Variants in PDSS2 observed in about 807,000 individuals in gnomAD.
PDSS2 encodes the protein decaprenyl diphosphate synthase subunit 2.
Under a neutral mutation model 44.5 loss-of-function variants are expected in PDSS2, and 31 were observed. That is an observed-to-expected ratio of 0.70 (90% CI 0.52 to 0.94). The LOEUF is 0.94. Among genes scored for constraint, PDSS2 ranks in the 40% least tolerant of loss-of-function variants. PDSS2 has a pLI of 0.00. For synonymous variants in PDSS2, 157 were observed against 180.3 expected (o/e 0.87, Z 1.03); for missense variants, 452 against 482.2 (o/e 0.94, Z 0.59).
At chr6:107,287,504 A>T (rs936733351) in intron 2 of PDSS2, among the ~76,000 whole-genome samples, 1 of 151,782 alleles carries the variant, frequency 6.6e-6, no homozygotes, top group Admixed American at 6.6e-5. Context: ...CCACATAAAC[A>T]TTTTTTTAAT....
chr6:107,441,572 G>C (rs1209411505), intron 1 of PDSS2, among the ~76,000 whole-genome samples: 1 of 152,196 alleles, frequency 6.6e-6, no homozygotes, highest in Non-Finnish European at 1.5e-5. Flanking sequence ...ACACAACTCA[G>C]AGGTCCTAGA....
At chr6:107,204,319 T>G (rs1772897243) in intron 6 of PDSS2, among the ~76,000 whole-genome samples, 1 of 152,200 alleles carries the variant, frequency 6.6e-6, no homozygotes, top group African/African-American at 2.4e-5. Context: ...TGAGTAATAT[T>G]CCATTGTATG....
intron 1 of PDSS2, among the ~76,000 whole-genome samples, chr6:107,344,493 T>C (rs1473372516): frequency 6.6e-6 from 1 of 152,168 alleles, no homozygotes; most frequent in Non-Finnish European, 1.5e-5. Flanking sequence ...GTGGCAGTCA[T>C]TGATATGGCT....
At chr6:107,277,127 T>C (rs111254897) in intron 2 of PDSS2, among the ~76,000 whole-genome samples, 2 of 152,368 alleles carry the variant, frequency 1.3e-5, no homozygotes, top group South Asian at 2.1e-4. Flanking sequence ...CATGTGCCCA[T>C]TGAAAGCTTC....
At chr6:107,422,367 A>G (rs1360793852) in intron 1 of PDSS2, among the ~76,000 whole-genome samples, 1 of 152,066 alleles carries the variant, frequency 6.6e-6, no homozygotes, top group Non-Finnish European at 1.5e-5. Context: ...AGAACAAGGA[A>G]AAACAGGCAC....
chr6:107,225,164 T>TATATATATATATATATATA (rs1289535741), intron 4 of PDSS2, among the ~76,000 whole-genome samples: 8 of 42,948 alleles, frequency 1.9e-4, no homozygotes, highest in South Asian at 7.1e-4. Flanking sequence ...TATATATATT[T>TATATATATATATATATATA]TTTTTTTTTT....
intron 7 of PDSS2, among the ~76,000 whole-genome samples, chr6:107,177,630 T>C (rs1196796512): frequency 6.6e-6 from 1 of 152,234 alleles, no homozygotes; most frequent in Non-Finnish European, 1.5e-5. Context: ...TGATTCAAAG[T>C]TAATTTTTAA....
Position 107,421,956 on chromosome 6 carries a change from C to T in PDSS2, c.296+37034G>A, listed in dbSNP as rs141165468. Among the ~76,000 whole-genome samples the T allele has an allele frequency of 4.5e-4, 68 of 151,516 alleles. 1 individual carries two copies. Among genetic ancestry groups the T allele is most frequent in the East Asian group, 5.8e-4 (3 of 5,160 alleles). On this transcript the variant is annotated intron_variant, in intron 1 of 7. Coordinates refer to ENST00000369037, the MANE Select transcript of PDSS2 (RefSeq NM_020381.4). Reference sequence around the variant, plus strand: ...TCTATACTTATGCAAGATGTTACCACGGGGAAAGCTGGATGATGGCTAAAA... The same window carrying T: ...TCTATACTTATGCAAGATGTTACCATGGGGAAAGCTGGATGATGGCTAAAA...
At chr6:107,271,631 T>C (rs1775601819) in intron 3 of PDSS2, among the ~76,000 whole-genome samples, 3 of 152,218 alleles carry the variant, frequency 2.0e-5, no homozygotes, top group African/African-American at 7.2e-5. Context: ...CCCTAGACAT[T>C]TGTGTCTGAG....
chr6:107,446,462 C>T (rs1230860488), intron 1 of PDSS2, among the ~76,000 whole-genome samples: 1 of 152,150 alleles, frequency 6.6e-6, no homozygotes, highest in African/African-American at 2.4e-5. Context: ...AGATTGTTAA[C>T]TACAGACCTT....
chr6:107,383,362 A>C (rs1298795506), intron 1 of PDSS2, among the ~76,000 whole-genome samples: 3 of 151,416 alleles, frequency 2.0e-5, no homozygotes, highest in Non-Finnish European at 4.4e-5. Flanking sequence ...AAATATAAGA[A>C]GGAAAACTGT....
chr6:107,390,462 G>T (rs546687496), intron 1 of PDSS2, among the ~76,000 whole-genome samples: 11 of 152,162 alleles, frequency 7.2e-5, no homozygotes, highest in African/African-American at 2.6e-4. Context: ...GAAAAAGAAA[G>T]AAAGACTGAC....
At chr6:107,345,693 T>C (rs982418745) in intron 1 of PDSS2, among the ~76,000 whole-genome samples, 1 of 152,146 alleles carries the variant, frequency 6.6e-6, no homozygotes, top group African/African-American at 2.4e-5. Flanking sequence ...CATAGATTTT[T>C]AGTAGGAAAA....
chr6:107,343,144 G>A (rs967663506), intron 1 of PDSS2, among the ~76,000 whole-genome samples: 1 of 152,116 alleles, frequency 6.6e-6, no homozygotes, highest in African/African-American at 2.4e-5. Flanking sequence ...CATAAATCCA[G>A]TTCCAGTAAG....
chr6:107,291,551 C>T (rs1425489733), intron 2 of PDSS2, among the ~76,000 whole-genome samples: 3 of 144,088 alleles, frequency 2.1e-5, no homozygotes, highest in East Asian at 4.2e-4. Flanking sequence ...TAAGTAGAGA[C>T]GGGGGGGTCT....
chr6:107,400,179 GT>G (rs1780064184), intron 1 of PDSS2, among the ~76,000 whole-genome samples: 1 of 151,932 alleles, frequency 6.6e-6, no homozygotes. Context: ...TGGAGAGACT[GT>G]GAGAAGGAGC....
At chr6:107,277,055 A>G (rs1350300763) in intron 2 of PDSS2, among the ~76,000 whole-genome samples, 1 of 152,240 alleles carries the variant, frequency 6.6e-6, no homozygotes, top group Non-Finnish European at 1.5e-5. Context: ...TTTGTTACAC[A>G]ATAGATAACT....
At chr6:107,253,010 A>G (rs1582849477) in intron 3 of PDSS2, among the ~76,000 whole-genome samples, 3 of 152,286 alleles carry the variant, frequency 2.0e-5, no homozygotes, top group East Asian at 1.9e-4. Context: ...CCTTTATTCA[A>G]TTAATACATA....
chr6:107,155,689 C>G (rs1554245472), intron 7 of PDSS2, among the ~76,000 whole-genome samples: 1 of 148,704 alleles, frequency 6.7e-6, no homozygotes, highest in African/African-American at 2.5e-5. Flanking sequence ...AAGCGATTAT[C>G]CTGCCTCAGC....
Sources: gnomAD v4.1 joint callset for allele counts (sites outside exome capture counted in the v4.1 genomes callset) on GRCh38, gnomAD v4.1.1 for gene constraint, MANE v1.5 for transcripts, NCBI Gene and HGNC (gene_info 2026-07-23, HGNC 2026-07-21) for gene names.